KCNK3: variants seen among roughly 807,000 people sequenced by gnomAD.
The protein encoded by KCNK3 is potassium two pore domain channel subfamily K member 3, also known as potassium channel subfamily K member 3.
In KCNK3, 9 loss-of-function variants were observed where a neutral mutation model predicts 27.3. The observed-to-expected ratio is 0.33, with a 90% CI of 0.20 to 0.57. KCNK3 has a LOEUF of 0.57. KCNK3 is among the 20% of genes least tolerant of loss of function. KCNK3 has a pLI of 0.87. For synonymous variants in KCNK3, 278 were observed against 273.8 expected, an observed-to-expected ratio of 1.02 and a Z score of -0.15; for missense variants, 391 against 577.7, an observed-to-expected ratio of 0.68 and a Z score of 3.31.
intron 1 of KCNK3, among the ~76,000 whole-genome samples, chr2:26,715,175 T>A (rs1302015451): frequency 6.6e-6 from 1 of 152,258 alleles, no homozygotes; most frequent in Non-Finnish European, 1.5e-5. Context: ...TGTGTGGGCT[T>A]GAATGAGTCA....
intron 1 of KCNK3, among the ~76,000 whole-genome samples, chr2:26,705,418 G>A (rs907765554): frequency 3.3e-5 from 5 of 152,158 alleles, no homozygotes; most frequent in African/African-American, 1.2e-4. Context: ...ACCCCAAGGT[G>A]TAGGCATCAT....
At chr2:26,713,564 G>A (rs1330853088) in intron 1 of KCNK3, among the ~76,000 whole-genome samples, 1 of 152,088 alleles carries the variant, frequency 6.6e-6, no homozygotes, top group African/African-American at 2.4e-5. Context: ...CGGATCCCCT[G>A]AGGTCAGGAG....
In KCNK3 at chr2:26,723,850, G is replaced by A. The variant is rs749953504; in HGVS notation, c.284-3817G>A. Among the ~76,000 whole-genome samples, 47 of 152,196 alleles carry A rather than the reference G, an allele frequency of 3.1e-4. 1 individual carries two copies. Among genetic ancestry groups the A allele is most frequent in the African/African-American group, 1.0e-3 (42 of 41,438 alleles). ...TGAGAGGCAGTGGCCAGAGTCTCCC[G>A]GTCAGAACATCTGCTCTGGTTGATC... is the stretch of plus-strand genomic sequence containing the variant. On this transcript the variant is annotated intron_variant, in intron 1 of 1. Coordinates refer to ENST00000302909, the MANE Select transcript of KCNK3 (RefSeq NM_002246.3).
intron 1 of KCNK3, among the ~76,000 whole-genome samples, chr2:26,699,405 C>A (rs1293894010): frequency 6.6e-6 from 1 of 151,980 alleles, no homozygotes; most frequent in Non-Finnish European, 1.5e-5. Context: ...GGGGTGAGAA[C>A]AGGACAGAAA....
intron 1 of KCNK3, among the ~76,000 whole-genome samples, chr2:26,695,976 C>T (rs1670230393): frequency 6.6e-6 from 1 of 152,154 alleles, no homozygotes; most frequent in African/African-American, 2.4e-5. Context: ...TCCACAGGGG[C>T]TCTGCTCTAA....
intron 1 of KCNK3, among the ~76,000 whole-genome samples, chr2:26,709,268 G>A (rs1452155303): frequency 6.6e-6 from 1 of 152,224 alleles, no homozygotes. Context: ...TATCAACTCA[G>A]GAGTTATCAG....
chr2:26,723,230 C>A (rs1274348268), intron 1 of KCNK3, among the ~76,000 whole-genome samples: 1 of 152,180 alleles, frequency 6.6e-6, no homozygotes, highest in Non-Finnish European at 1.5e-5. Flanking sequence ...GAGAGAAAGA[C>A]CAGTAAAAGG....
intron 1 of KCNK3, among the ~76,000 whole-genome samples, chr2:26,717,565 G>C (rs1357747716): frequency 1.3e-5 from 2 of 152,250 alleles, no homozygotes; most frequent in Admixed American, 6.5e-5. Context: ...ATGCCAGGCT[G>C]TTCCTGGTGG....
At chr2:26,710,109 C>T (rs543816798) in intron 1 of KCNK3, among the ~76,000 whole-genome samples, 9 of 152,326 alleles carry the variant, frequency 5.9e-5, no homozygotes, top group Admixed American at 2.6e-4. Flanking sequence ...CCTGTCCTTG[C>T]GAGATGTTCC....
At position 26,702,483 on chromosome 2, in the gene KCNK3, A is replaced by C. The variant is rs571962027; in HGVS notation, c.283+9325A>C. On this transcript the variant is annotated intron_variant, in intron 1 of 1. Transcript: ENST00000302909. ...TGGGCTATTGTGAGGTGAAAGAACC[A>C]ATCTTGCTCTGAGTGTGTCCAAGGG... is the stretch of plus-strand genomic sequence containing the variant. Among the ~76,000 whole-genome samples, 5 of 152,284 alleles carry C rather than the reference A, an allele frequency of 3.3e-5. No individual in the cohort carries two copies. In the East Asian group the frequency reaches 9.7e-4, roughly 29 times the overall value.
rs896346482 is a variant in KCNK3 at position 26,725,745 on chromosome 2, G to T, written c.284-1922G>T. Among the ~76,000 whole-genome samples, 7 of 152,220 alleles carry T rather than the reference G, an allele frequency of 4.6e-5. No individual in the cohort carries two copies. The East Asian group carries it at 9.6e-4, about 21-fold the overall frequency. On this transcript the variant is annotated intron_variant, in intron 1 of 1. Transcript: ENST00000302909. ...TTACTGGCCCGACGCTGTGGAGGGG[G>T]TCAGGGGAGCTGGTTCTAAGGGCAG...
chr2:26,716,040 C>T (rs1246047173), intron 1 of KCNK3, among the ~76,000 whole-genome samples: 3 of 152,206 alleles, frequency 2.0e-5, no homozygotes, highest in Non-Finnish European at 4.4e-5. Flanking sequence ...AAGAAGCGCT[C>T]GAGGCCCAGA....
intron 1 of KCNK3, among the ~76,000 whole-genome samples, chr2:26,719,818 T>C (rs144665644): frequency 4.4e-4 from 67 of 152,320 alleles, no homozygotes; most frequent in Admixed American, 1.1e-3. Context: ...CCTTGGCCTA[T>C]CAGAACAGAC....
chr2:26,698,504 A>G (rs552854477), intron 1 of KCNK3, among the ~76,000 whole-genome samples: 2 of 152,364 alleles, frequency 1.3e-5, no homozygotes, highest in South Asian at 2.1e-4. Flanking sequence ...CATAAAAAGA[A>G]AGTGCCTGGT....
chr2:26,725,709 T>A (rs544452318), intron 1 of KCNK3, among the ~76,000 whole-genome samples: 1 of 152,208 alleles, frequency 6.6e-6, no homozygotes, highest in South Asian at 2.1e-4. Flanking sequence ...CCCTAGCAAA[T>A]GGTGACACAG....
chr2:26,699,359 C>G (rs1194001248), intron 1 of KCNK3, among the ~76,000 whole-genome samples: 2 of 152,092 alleles, frequency 1.3e-5, no homozygotes, highest in African/African-American at 2.4e-5. Context: ...CCCGTTTCCA[C>G]GCATTACCGT....
At chr2:26,727,577 G>C in intron 1 of KCNK3, 90 bp from the exon 2 acceptor site, 2 of 1,497,006 alleles carry the variant, frequency 1.3e-6, no homozygotes, top group Non-Finnish European at 1.8e-6. Context: ...AGGTGGGGGA[G>C]GTGGCGGGGC....
chr2:26,702,396 C>T (rs1355400802), intron 1 of KCNK3, among the ~76,000 whole-genome samples: 2 of 152,120 alleles, frequency 1.3e-5, no homozygotes, highest in Admixed American at 1.3e-4. Context: ...AGCAGCAGGT[C>T]AAATGAGAGA....
At chr2:26,707,898 C>T (rs556584336) in intron 1 of KCNK3, among the ~76,000 whole-genome samples, 1 of 152,250 alleles carries the variant, frequency 6.6e-6, no homozygotes, top group Admixed American at 6.5e-5. Context: ...TCCTCGAACT[C>T]AGGTCCCCGA....
Sources: allele counts gnomAD v4.1 joint callset (sites outside exome capture counted in the v4.1 genomes callset), GRCh38; gene constraint gnomAD v4.1.1; transcripts MANE v1.5; gene names NCBI Gene and HGNC (gene_info 2026-07-23, HGNC 2026-07-21).